Variants in BAZ2B observed in about 807,000 individuals in gnomAD.
BAZ2B encodes the protein bromodomain adjacent to zinc finger domain 2B, also known as bromodomain adjacent to zinc finger domain protein 2B.
In BAZ2B, 91 loss-of-function variants were observed where a neutral mutation model predicts 246.0. The observed-to-expected ratio is 0.37, with a 90% confidence interval of 0.31 to 0.44. The LOEUF (loss-of-function observed/expected upper bound fraction) is 0.44, where lower values mean the gene tolerates loss of function less well. Among genes scored for constraint, BAZ2B ranks in the 20% least tolerant of loss-of-function variants. The pLI is 1.00. For missense variants in BAZ2B, 2,332 were observed against 2,533.7 expected (o/e 0.92, Z 1.71); for synonymous variants, 855 against 860.0 (o/e 0.99, Z 0.10).
intron 2 of BAZ2B, among the ~76,000 whole-genome samples, chr2:159,546,200 A>C (rs978753832): frequency 2.0e-5 from 3 of 152,068 alleles, no homozygotes; most frequent in African/African-American, 7.2e-5. Flanking sequence ...CACAATTCCC[A>C]CGTCATGGGA....
At chr2:159,576,531 TA>T (rs71406179) in intron 1 of BAZ2B, among the ~76,000 whole-genome samples, 77,018 of 142,732 alleles carry the variant, frequency 0.54, 21,193 homozygotes, top group East Asian at 0.73. Context: ...ATCAAAGGTT[TA>T]AAAAAAAAAA....
In BAZ2B at chr2:159,336,973, G is replaced by A. The variant is rs1290344647; in HGVS notation, c.5765C>T (p.Ser1922Leu). The change falls in exon 33 of 37, where the codon TCA becomes TTA. Residue 1922 changes from serine to leucine, a missense_variant. Ser to Leu is a moderately radical substitution (Grantham distance 145). This residue lies in a region of BAZ2B where 53 missense variants were observed against 62.0 expected (regional missense o/e 0.86). Coordinates refer to ENST00000392783, the MANE Select transcript of BAZ2B (RefSeq NM_013450.4). ...CATAATTGATTTTTCCCATGCTATT[G>A]ATTTCTGTAATTGCTGAATGCACAG... ...VALCIQQLQK[S>L]IAWEKSIMKV... 3.1e-6 allele frequency: 5 copies of A among 1,608,660 alleles called. No homozygotes were observed. Among genetic ancestry groups the A allele is most frequent in the Non-Finnish European group, 4.3e-6 (5 of 1,176,020 alleles).
the BAZ2B span, among the ~76,000 whole-genome samples, chr2:159,635,994 C>T: frequency 3.3e-5 from 5 of 152,006 alleles, no homozygotes; most frequent in African/African-American, 1.2e-4. Context: ...GAGGTCAAGG[C>T]AGCAGTGAAC....
intron 1 of BAZ2B, among the ~76,000 whole-genome samples, chr2:159,566,266 C>A (rs570845518): frequency 6.6e-6 from 1 of 152,282 alleles, no homozygotes; most frequent in South Asian, 2.1e-4. Context: ...CCGCCTCAGC[C>A]TCCCAAAGTG....
the BAZ2B span, among the ~76,000 whole-genome samples, chr2:159,710,353 C>T: frequency 0.042 from 6,343 of 151,878 alleles, 494 homozygotes; most frequent in African/African-American, 0.15. Context: ...GGACTACAGG[C>T]GCCTGCCACC....
intron 23 of BAZ2B, among the ~76,000 whole-genome samples, chr2:159,384,872 A>G (rs1450202789): frequency 6.6e-6 from 1 of 152,158 alleles, no homozygotes; most frequent in East Asian, 1.9e-4. Flanking sequence ...AAATATAAAA[A>G]AAGTTATGTA....
chr2:159,663,558 A>T, the BAZ2B span, among the ~76,000 whole-genome samples: 1 of 146,528 alleles, frequency 6.8e-6, no homozygotes, highest in African/African-American at 2.5e-5. Flanking sequence ...TCTGTCACCC[A>T]GGCTGGAATG....
chr2:159,583,128 T>TG (rs901581371), intron 1 of BAZ2B, among the ~76,000 whole-genome samples: 4 of 122,896 alleles, frequency 3.3e-5, no homozygotes, highest in Non-Finnish European at 5.0e-5. Flanking sequence ...TTTTTTTTTT[T>TG]GTTGAGACGG....
chr2:159,437,289 T>C (rs1488004356), intron 8 of BAZ2B: 1 of 152,134 alleles, frequency 6.6e-6, no homozygotes, highest in Non-Finnish European at 1.5e-5. Flanking sequence ...TGTAGTAAAA[T>C]CAACAGCAAG....
intron 1 of BAZ2B, among the ~76,000 whole-genome samples, chr2:159,597,193 CTTTT>C (rs1690920121): frequency 1.3e-5 from 2 of 152,266 alleles, no homozygotes; most frequent in South Asian, 4.1e-4. Flanking sequence ...TGTATATCTT[CTTTT>C]GAGAATTGTC....
chr2:159,527,456 T>C lies in BAZ2B; in HGVS notation c.-3+28367A>G, dbSNP rs142143052. On this transcript the variant is annotated intron_variant, in intron 2 of 36. Transcript: ENST00000392783. ...GCAAAGCAAATGTTTTTAATTTTGA[T>C]AAAGTCCAATTTACAGATTTCTTTC... 2.9e-4 allele frequency among the ~76,000 whole-genome samples: 44 copies of C among 152,368 alleles called. 1 individual carries two copies. The highest frequency in any genetic ancestry group is 5.4e-4 in the Non-Finnish European group (37 of 68,028).
chr2:159,364,425 C>T (rs541508572), intron 27 of BAZ2B, among the ~76,000 whole-genome samples: 13 of 152,148 alleles, frequency 8.5e-5, no homozygotes, highest in Non-Finnish European at 1.5e-4. Context: ...CAGGGTCTTG[C>T]TCTGTCCCCA....
At chr2:159,596,032 T>A (rs1419290580) in intron 1 of BAZ2B, among the ~76,000 whole-genome samples, 1 of 152,236 alleles carries the variant, frequency 6.6e-6, no homozygotes, top group Non-Finnish European at 1.5e-5. Flanking sequence ...TAAATTTGGC[T>A]GAAGTCTTTC....
At chr2:159,346,274 C>G (rs148734853) in intron 31 of BAZ2B, among the ~76,000 whole-genome samples, 3 of 152,250 alleles carry the variant, frequency 2.0e-5, no homozygotes, top group African/African-American at 7.2e-5. Context: ...GTCCAAATGC[C>G]TATGTTAAAC....
chr2:159,633,387 G>A, the BAZ2B span, among the ~76,000 whole-genome samples: 1 of 152,062 alleles, frequency 6.6e-6, no homozygotes, highest in African/African-American at 2.4e-5. Flanking sequence ...TACTTTTTCT[G>A]GGTAGAGACA....
chr2:159,516,813 T>C (rs1297044485), intron 2 of BAZ2B, among the ~76,000 whole-genome samples: 1 of 152,124 alleles, frequency 6.6e-6, no homozygotes, highest in Admixed American at 6.5e-5. Context: ...TCTTTCTTCC[T>C]TTTTAAAGAA....
chr2:159,630,142 T>G, the BAZ2B span, among the ~76,000 whole-genome samples: 27 of 152,278 alleles, frequency 1.8e-4, 1 homozygote, highest in East Asian at 1.4e-3. Context: ...TCATTTACAT[T>G]ATTATAATAA....
intron 2 of BAZ2B, among the ~76,000 whole-genome samples, chr2:159,532,505 A>C (rs552061159): frequency 1.3e-5 from 2 of 152,342 alleles, no homozygotes; most frequent in South Asian, 2.1e-4. Flanking sequence ...GGAAATAATA[A>C]ATGCACTCAT....
chr2:159,626,206 T>A, the BAZ2B span, among the ~76,000 whole-genome samples: 9 of 152,218 alleles, frequency 5.9e-5, no homozygotes, highest in African/African-American at 2.2e-4. Context: ...ACAAAGAGAC[T>A]TAGACTCCCA....
Sources: allele counts gnomAD v4.1 joint callset (sites outside exome capture counted in the v4.1 genomes callset), GRCh38; gene constraint gnomAD v4.1.1; regional missense constraint gnomAD v4.1.1; transcripts MANE v1.5; gene names NCBI Gene and HGNC (gene_info 2026-07-23, HGNC 2026-07-21).